Variants in ACYP2 observed in about 807,000 individuals in gnomAD.
ACYP2 encodes acylphosphatase-2.
ACYP2 carries 12 observed loss-of-function variants against 11.2 expected under a neutral mutation model. The ratio of observed to expected loss-of-function variants is 1.08; its 90% CI spans 0.69 to 1.74. The LOEUF (loss-of-function observed/expected upper bound fraction) is 1.74. Among genes scored for constraint, ACYP2 ranks in the 40% most tolerant of loss-of-function variants. The probability of loss-of-function intolerance (pLI) is 0.00; values close to 1 mark genes in which losing one functional copy is unlikely to be tolerated. For synonymous variants in ACYP2, 43 were observed against 32.2 expected (o/e 1.33, Z -1.13); for missense variants, 134 against 101.9 (o/e 1.31, Z -1.35).
At chr2:54,065,650 G>C (rs1042696134) in intron 4 of ACYP2, 1 of 396,550 alleles carries the variant, frequency 2.5e-6, no homozygotes, top group Admixed American at 4.4e-5. Context: ...GAATTGGGTT[G>C]CCATCTGTCA....
At chr2:54,090,628 C>A (rs1276530445) in intron 4 of ACYP2, among the ~76,000 whole-genome samples, 4 of 152,222 alleles carry the variant, frequency 2.6e-5, no homozygotes, top group African/African-American at 9.6e-5. Context: ...GAGACTCCGT[C>A]TCAAAACAAA....
intron 2 of ACYP2, among the ~76,000 whole-genome samples, chr2:53,995,015 T>G (rs1672501734): frequency 6.6e-6 from 1 of 152,204 alleles, no homozygotes; most frequent in Non-Finnish European, 1.5e-5. Flanking sequence ...AGAGTGTCTT[T>G]CTGTTTTTGC....
chr2:54,138,663 A>G lies in ACYP2; in HGVS notation c.319A>G (p.Ile107Val), dbSNP rs751989880. The G allele has an allele frequency of 1.2e-6, 2 of 1,613,942 alleles. No homozygotes were observed. The highest frequency in any genetic ancestry group is 1.7e-6 in the Non-Finnish European group (2 of 1,179,980). The change falls in exon 6 of 7, where the codon ATA becomes GTA. Residue 107 changes from isoleucine to valine, a missense_variant. Physicochemically the swap from Ile to Val is conservative, Grantham distance 29. Transcript: ENST00000607452. ...GTATACAGAAGATGAAGCTAGGAAAATAGGAGTGGTTGGCTGGGTGAAGAA... is the reference window on the plus strand; with the variant it reads ...GTATACAGAAGATGAAGCTAGGAAAGTAGGAGTGGTTGGCTGGGTGAAGAA...
intron 2 of ACYP2, among the ~76,000 whole-genome samples, chr2:53,984,027 A>G (rs902141521): frequency 2.6e-5 from 4 of 152,136 alleles, no homozygotes; most frequent in Non-Finnish European, 4.4e-5. Context: ...GGGGCATGAC[A>G]CAAGGAGGCT....
intron 6 of ACYP2, among the ~76,000 whole-genome samples, chr2:54,201,680 T>TTCTCTC (rs60167120): frequency 1.5e-4 from 16 of 107,290 alleles, no homozygotes; most frequent in Non-Finnish European, 1.9e-4. Flanking sequence ...CTTTCTTTCT[T>TTCTCTC]TCTCTCTCTC....
rs533981657 is a variant in ACYP2, at chr2:54,057,042, A to G, written c.156-197A>G. The stretch of plus-strand genomic sequence containing the variant: ...TGTGAAAATTATAGCTATTATCCCA[A>G]TAATTCAGATAAAATAGCTTTCTAG... On this transcript the variant is annotated intron_variant, in intron 3 of 6. Coordinates refer to ENST00000607452, the MANE Select transcript of ACYP2 (RefSeq NM_001320586.2). Among the ~76,000 whole-genome samples, 4 of 152,304 alleles carry G rather than the reference A, an allele frequency of 2.6e-5. No individual in the cohort carries two copies. The South Asian group carries it at 8.3e-4, about 32-fold the overall frequency.
chr2:54,256,283 C>T lies in ACYP2; in HGVS notation c.405-48405C>T, dbSNP rs771985401. 7.3e-4 allele frequency: 718 copies of T among 983,624 alleles called. 4 individuals carry two copies. The highest frequency in any genetic ancestry group is 1.5e-3 in the Admixed American group (58 of 37,760). 60.9% of individuals were successfully genotyped at this position (983,624 alleles called of 1,614,324 possible). ...CCACTCTTCAGTCTCGCGACACCCA[C>T]CCCTCAGTCTCGCGACACTCACTCC... On this transcript the variant is annotated intron_variant, in intron 6 of 6. Coordinates refer to ENST00000607452, the MANE Select transcript of ACYP2 (RefSeq NM_001320586.2).
At chr2:54,285,073 G>A (rs2104126291) in intron 6 of ACYP2, among the ~76,000 whole-genome samples, 1 of 152,282 alleles carries the variant, frequency 6.6e-6, no homozygotes, top group Non-Finnish European at 1.5e-5. Context: ...TGACAGCTCT[G>A]CTCTGCTTCA....
chr2:54,255,602 T>C lies in ACYP2; in HGVS notation c.405-49086T>C, dbSNP rs764712537. ...CCGGGCCCAGGCCCTGCCTCCCTGT[T>C]TACCTCATCTATTGCTCTGTTTTCT... On this transcript the variant is annotated intron_variant, in intron 6 of 6. Transcript: ENST00000607452. The C allele has an allele frequency of 9.3e-6, 15 of 1,613,482 alleles. No homozygotes were observed. In the South Asian group the frequency reaches 1.6e-4, roughly 18 times the overall value.
At chr2:53,979,530 G>A (rs1671650553) in intron 2 of ACYP2, among the ~76,000 whole-genome samples, 1 of 151,620 alleles carries the variant, frequency 6.6e-6, no homozygotes, top group Admixed American at 6.6e-5. Context: ...TGGAGGCTGA[G>A]GCAGGAGAAT....
At chr2:54,258,991 T>G (rs934024017) in intron 6 of ACYP2, among the ~76,000 whole-genome samples, 3 of 152,188 alleles carry the variant, frequency 2.0e-5, no homozygotes, top group African/African-American at 7.2e-5. Context: ...AACTAATCCA[T>G]TCCCATGAGA....
chr2:54,232,138 T>G (rs1324396981), intron 6 of ACYP2, among the ~76,000 whole-genome samples: 1 of 152,174 alleles, frequency 6.6e-6, no homozygotes, highest in African/African-American at 2.4e-5. Context: ...TAAAGGGAAT[T>G]TTTTTCATAT....
rs560319606 is a variant in ACYP2 at position 54,297,899 on chromosome 2, C to G, written c.405-6789C>G. On this transcript the variant is annotated intron_variant, in intron 6 of 6. Transcript: ENST00000607452. ...ACAAGCTGAAATGTTAGAATTGCCA[C>G]TTTTCTCCAAATTATTTTTAGATTT... 3.3e-5 allele frequency among the ~76,000 whole-genome samples: 5 copies of G among 152,240 alleles called. No individual in the cohort carries two copies. In the South Asian group the frequency reaches 1.0e-3, roughly 32 times the overall value.
chr2:54,021,513 T>C (rs1350356808), intron 2 of ACYP2, among the ~76,000 whole-genome samples: 3 of 152,332 alleles, frequency 2.0e-5, no homozygotes, highest in Non-Finnish European at 4.4e-5. Flanking sequence ...AGTTGGGTGA[T>C]CACTTGTTCT....
intron 4 of ACYP2, among the ~76,000 whole-genome samples, chr2:54,089,181 A>G (rs1678095276): frequency 6.6e-6 from 1 of 152,204 alleles, no homozygotes; most frequent in Admixed American, 6.5e-5. Flanking sequence ...TTACTTCCCA[A>G]TATTTAGCTT....
At chr2:54,258,777 G>C (rs1687660491) in intron 6 of ACYP2, among the ~76,000 whole-genome samples, 1 of 152,140 alleles carries the variant, frequency 6.6e-6, no homozygotes, top group South Asian at 2.1e-4. Flanking sequence ...GGATCTCTTA[G>C]TTCATTTTCT....
chr2:54,175,182 C>G (rs1301485402), intron 6 of ACYP2, among the ~76,000 whole-genome samples: 1 of 152,084 alleles, frequency 6.6e-6, no homozygotes, highest in South Asian at 2.1e-4. Flanking sequence ...GGTTGGTAGG[C>G]TATGAATTAT....
intron 6 of ACYP2, among the ~76,000 whole-genome samples, chr2:54,148,030 T>C (rs765246587): frequency 1.3e-5 from 2 of 152,180 alleles, no homozygotes; most frequent in Non-Finnish European, 2.9e-5. Context: ...TCTGGACCAA[T>C]GTCTCTGTGG....
chr2:54,193,911 CATT>C (rs1356654560), intron 6 of ACYP2, among the ~76,000 whole-genome samples: 16 of 152,178 alleles, frequency 1.1e-4, no homozygotes, highest in African/African-American at 3.9e-4. Flanking sequence ...CTTGCTTAAA[CATT>C]ATAGAGTAAA....
Sources: allele counts gnomAD v4.1 joint callset (sites outside exome capture counted in the v4.1 genomes callset), GRCh38; gene constraint gnomAD v4.1.1; transcripts MANE v1.5; gene names NCBI Gene and HGNC (gene_info 2026-07-23, HGNC 2026-07-21).